The following PCP4 variants were observed in gnomAD, a reference collection of about 807,000 sequenced individuals.
PCP4 encodes calmodulin regulator protein PCP4.
PCP4 carries 8 observed loss-of-function variants against 10.0 expected under a neutral mutation model. The ratio of observed to expected loss-of-function variants is 0.80; its 90% CI spans 0.47 to 1.45. The LOEUF (loss-of-function observed/expected upper bound fraction) is 1.45, where lower values mean the gene tolerates loss of function less well. Among genes scored for constraint, PCP4 ranks in the 40% most tolerant of loss-of-function variants. The probability of loss-of-function intolerance (pLI) is 0.00; values close to 1 mark genes in which losing one functional copy is unlikely to be tolerated. For missense variants in PCP4, 54 were observed against 74.4 expected (o/e 0.73, Z 1.01); for synonymous variants, 21 against 23.0 (o/e 0.91, Z 0.24).
intron 1 of PCP4, among the ~76,000 whole-genome samples, chr21:39,888,302 T>C (rs149759443): frequency 1.4e-4 from 22 of 152,296 alleles, no homozygotes; most frequent in African/African-American, 5.3e-4. Flanking sequence ...AAGTCAGACG[T>C]TGGGAACGGG....
At chr21:39,874,464 C>A (rs548394826) in intron 1 of PCP4, among the ~76,000 whole-genome samples, 4 of 152,250 alleles carry the variant, frequency 2.6e-5, no homozygotes, top group Admixed American at 2.6e-4. Flanking sequence ...GTTCCCGTAG[C>A]ACCACATCTG....
rs118110006 is a variant in PCP4 at position 39,870,694 on chromosome 21, G to A, written c.9+3184G>A. 5.6e-3 allele frequency among the ~76,000 whole-genome samples: 847 copies of A among 152,344 alleles called. 5 individuals are homozygous for A. The highest frequency in any genetic ancestry group is 8.3e-3 in the Non-Finnish European group (563 of 68,034). ...AAGGCATAAGGACAAACATCTGAGC[G>A]TGAATTTAAAAACGTGACGCCCTTG... On this transcript the variant is annotated intron_variant, in intron 1 of 2. Coordinates refer to ENST00000328619, the MANE Select transcript of PCP4 (RefSeq NM_006198.3).
chr21:39,895,069 A>AC (rs1385844640), intron 1 of PCP4, among the ~76,000 whole-genome samples: 1 of 151,808 alleles, frequency 6.6e-6, no homozygotes, highest in African/African-American at 2.4e-5. Flanking sequence ...TCATCCACAC[A>AC]CCCATTCATC....
At chr21:39,876,617 A>T (rs1315681755) in intron 1 of PCP4, among the ~76,000 whole-genome samples, 1 of 152,074 alleles carries the variant, frequency 6.6e-6, no homozygotes, top group East Asian at 1.9e-4. Context: ...CCATTGTGGG[A>T]CTCCTACTCT....
At chr21:39,898,441 A>C in intron 1 of PCP4, 35 bp from the exon 2 acceptor site, 1 of 1,568,814 alleles carries the variant, frequency 6.4e-7, no homozygotes, top group South Asian at 1.1e-5. Context: ...TATATCTGAT[A>C]ACAATTGCTT....
At position 39,899,100 on chromosome 21, in the gene PCP4, A is replaced by G. The variant is rs577138689; in HGVS notation, c.61+573A>G. Among the ~76,000 whole-genome samples the G allele has an allele frequency of 1.5e-3, 225 of 152,260 alleles. 2 individuals are homozygous for G. Among genetic ancestry groups the G allele is most frequent in the Middle Eastern group, 3.4e-3 (1 of 294 alleles). Reference sequence around the variant, plus strand: ...ACCCTAAATTGTAGGAATGATCATCATATTTTTATGGATCAGGAAATGGAG... The same window carrying G: ...ACCCTAAATTGTAGGAATGATCATCGTATTTTTATGGATCAGGAAATGGAG... On this transcript the variant is annotated intron_variant, in intron 2 of 2. Coordinates refer to ENST00000328619, the MANE Select transcript of PCP4 (RefSeq NM_006198.3).
Position 39,912,780 on chromosome 21 carries a change from A to T in PCP4, c.61+14253A>T, listed in dbSNP as rs971809343. ...GGCTGGAGTGCAGTAGTGAGATCTT[A>T]GCTCACTCTAACCTTGAACTCCCAG... On this transcript the variant is annotated intron_variant, in intron 2 of 2. Coordinates refer to ENST00000328619, the MANE Select transcript of PCP4 (RefSeq NM_006198.3). 6.3e-4 allele frequency among the ~76,000 whole-genome samples: 96 copies of T among 152,224 alleles called. 1 individual carries two copies. The highest frequency in any genetic ancestry group is 1.9e-3 in the African/African-American group (79 of 41,520).
intron 2 of PCP4, among the ~76,000 whole-genome samples, chr21:39,901,014 G>A (rs2087480148): frequency 6.6e-6 from 1 of 152,132 alleles, no homozygotes; most frequent in Non-Finnish European, 1.5e-5. Flanking sequence ...TTTCCAAAAT[G>A]GAAAAGGATA....
intron 1 of PCP4, among the ~76,000 whole-genome samples, chr21:39,894,452 T>C (rs2087447873): frequency 6.6e-6 from 1 of 152,228 alleles, no homozygotes; most frequent in Non-Finnish European, 1.5e-5. Flanking sequence ...CTCTAGATAA[T>C]TCTAATAGCA....
chr21:39,897,913 G>A (rs529356721), intron 1 of PCP4, among the ~76,000 whole-genome samples: 67 of 151,928 alleles, frequency 4.4e-4, no homozygotes, highest in African/African-American at 1.4e-3. Flanking sequence ...GTACGTGGTC[G>A]TGGGCGCCTG....
At chr21:39,896,445 A>G (rs2087457311) in intron 1 of PCP4, among the ~76,000 whole-genome samples, 1 of 152,218 alleles carries the variant, frequency 6.6e-6, no homozygotes, top group African/African-American at 2.4e-5. Flanking sequence ...CAAACGTACG[A>G]GCCTTGTGTT....
At chr21:39,869,314 C>G (rs2299744) in intron 1 of PCP4, among the ~76,000 whole-genome samples, 1 of 152,196 alleles carries the variant, frequency 6.6e-6, no homozygotes, top group African/African-American at 2.4e-5. Flanking sequence ...AGGGAGAAAG[C>G]GCGTGTTCCA....
At chr21:39,924,111 C>G (rs909123917) in intron 2 of PCP4, among the ~76,000 whole-genome samples, 1 of 152,102 alleles carries the variant, frequency 6.6e-6, no homozygotes, top group Non-Finnish European at 1.5e-5. Flanking sequence ...GATGAGGGCC[C>G]GAGTGATCCA....
intron 1 of PCP4, among the ~76,000 whole-genome samples, chr21:39,873,461 T>G (rs2087330198): frequency 6.6e-6 from 1 of 152,180 alleles, no homozygotes; most frequent in African/African-American, 2.4e-5. Context: ...TTAGTAAATT[T>G]ATATTTGAAA....
At chr21:39,891,687 T>G (rs926377039) in intron 1 of PCP4, among the ~76,000 whole-genome samples, 3 of 151,856 alleles carry the variant, frequency 2.0e-5, no homozygotes, top group African/African-American at 7.3e-5. Context: ...GGGGGCAGGG[T>G]AAGGAGGGTG....
At chr21:39,909,778 C>A (rs962771550) in intron 2 of PCP4, among the ~76,000 whole-genome samples, 2 of 146,100 alleles carry the variant, frequency 1.4e-5, no homozygotes, top group African/African-American at 5.1e-5. Flanking sequence ...TTCAAAATTT[C>A]TTCCTTCCTT....
chr21:39,877,223 G>A (rs569924117), intron 1 of PCP4, among the ~76,000 whole-genome samples: 5 of 152,140 alleles, frequency 3.3e-5, no homozygotes, highest in Admixed American at 2.6e-4. Context: ...TATTAGCCTT[G>A]AGTAAAAAAA....
chr21:39,885,277 C>T (rs1231030325), intron 1 of PCP4, among the ~76,000 whole-genome samples: 1 of 152,182 alleles, frequency 6.6e-6, no homozygotes, highest in Non-Finnish European at 1.5e-5. Context: ...GGGGGCTATT[C>T]AACCATGTAG....
chr21:39,922,549 C>T (rs1484262043), intron 2 of PCP4, among the ~76,000 whole-genome samples: 1 of 152,060 alleles, frequency 6.6e-6, no homozygotes, highest in Non-Finnish European at 1.5e-5. Context: ...CGTTCCAAGC[C>T]TCAGGGAGCA....
Sources: gnomAD v4.1 joint callset for allele counts (sites outside exome capture counted in the v4.1 genomes callset) on GRCh38, gnomAD v4.1.1 for gene constraint, MANE v1.5 for transcripts, NCBI Gene and HGNC (gene_info 2026-07-23, HGNC 2026-07-21) for gene names.